The following ZNF33B variants were observed in gnomAD, a reference collection of about 807,000 sequenced individuals.
ZNF33B encodes the protein zinc finger protein 11b (KOX 2).
ZNF33B carries 29 observed loss-of-function variants against 45.8 expected under a neutral mutation model. That is an observed-to-expected ratio of 0.63 (90% CI 0.47 to 0.86). ZNF33B has a LOEUF of 0.86. Ranked by LOEUF, ZNF33B falls within the 40% of genes least tolerant of loss-of-function variation. The pLI, the probability that ZNF33B is intolerant of heterozygous loss-of-function variation, is 0.00. For missense variants in ZNF33B, 831 were observed against 909.9 expected, an observed-to-expected ratio of 0.91 and a Z score of 1.12; for synonymous variants, 305 against 307.8, an observed-to-expected ratio of 0.99 and a Z score of 0.10.
chr10:42,610,000 CAAGAT>C, intron 4 of ZNF33B, among the ~76,000 whole-genome samples: 1 of 151,784 alleles, frequency 6.6e-6, no homozygotes, highest in South Asian at 2.1e-4. Context: ...AGAACAAAAA[CAAGAT>C]AAGAATGCCT....
In ZNF33B at chr10:42,618,163, G is replaced by A. The variant is rs960552753; in HGVS notation, c.250+13766C>T. Among the ~76,000 whole-genome samples the A allele has an allele frequency of 3.3e-5, 5 of 152,182 alleles. No individual in the cohort carries two copies. In the South Asian group the frequency reaches 6.2e-4, roughly 19 times the overall value. On this transcript the variant is annotated intron_variant, in intron 4 of 4. Coordinates refer to ENST00000359467, the MANE Select transcript of ZNF33B (RefSeq NM_006955.3). ...TAAACCAAGCGTAGGGGGCAGGAGG[G>A]TTCATCCCAACTCTATGGGGTGGAC...
At position 42,612,083 on chromosome 10, in the gene ZNF33B, A is replaced by AT. The variant is rs879895916; in HGVS notation, c.251-17385dup. 8.7e-4 allele frequency among the ~76,000 whole-genome samples: 127 copies of AT among 145,958 alleles called. 1 individual carries two copies. The highest frequency in any genetic ancestry group is 1.0e-3 in the African/African-American group (42 of 40,050). ...GATCTTAGCAGTAGGTTTCCTGCAGATTTTTTTTTTTTATCAAGTTGAGGA... is the reference window on the plus strand; with the variant it reads ...GATCTTAGCAGTAGGTTTCCTGCAGATTTTTTTTTTTTTATCAAGTTGAGGA... On this transcript the variant is annotated intron_variant, in intron 4 of 4. Transcript: ENST00000359467.
intron 1 of ZNF33B, among the ~76,000 whole-genome samples, chr10:42,580,858 C>T (rs564045886): frequency 1.3e-5 from 2 of 151,780 alleles, no homozygotes; most frequent in South Asian, 4.2e-4. Flanking sequence ...CGCGCCACTG[C>T]ACTCCAGCCT....
At chr10:42,619,969 A>T (rs1409024647) in intron 4 of ZNF33B, among the ~76,000 whole-genome samples, 1 of 152,168 alleles carries the variant, frequency 6.6e-6, no homozygotes, top group Non-Finnish European at 1.5e-5. Flanking sequence ...AATCTCAAGC[A>T]CTTTGGGAGG....
intron 4 of ZNF33B, among the ~76,000 whole-genome samples, chr10:42,628,052 T>G (rs150846195): frequency 6.6e-6 from 1 of 152,200 alleles, no homozygotes; most frequent in African/African-American, 2.4e-5. Context: ...AATCTCACTC[T>G]GTAACCCAAG....
At chr10:42,626,096 C>T (rs557189400) in intron 4 of ZNF33B, among the ~76,000 whole-genome samples, 34 of 152,344 alleles carry the variant, frequency 2.2e-4, no homozygotes, top group African/African-American at 7.0e-4. Context: ...TGGATGCATA[C>T]TGCATTTTGT....
chr10:42,617,206 C>T (rs1235207940), intron 4 of ZNF33B, among the ~76,000 whole-genome samples: 6 of 140,574 alleles, frequency 4.3e-5, no homozygotes, highest in East Asian at 2.2e-4. Context: ...TGGGCTTAAG[C>T]GATCCTCCCA....
Position 42,592,848 on chromosome 10 carries a change from G to A in ZNF33B, c.2102C>T (p.Ser701Phe), listed in dbSNP as rs1837194932. The A allele has an allele frequency of 1.9e-6, 3 of 1,613,972 alleles. No individual in the cohort carries two copies. Among genetic ancestry groups the A allele is most frequent in the Non-Finnish European group, 2.5e-6 (3 of 1,180,000 alleles). The change falls in exon 5 of 5, where the codon TCC becomes TTC. Residue 701 changes from serine (S) to phenylalanine (F), a missense_variant. By Grantham distance (155) the Ser-to-Phe change is radical. Coordinates refer to ENST00000359467, the MANE Select transcript of ZNF33B (RefSeq NM_006955.3). ...KPYECNECGK[S>F]FSHKSSLTVH... The stretch of plus-strand genomic sequence containing the variant: ...TGTGAGTGATGATTTGTGACTGAAG[G>A]ATTTCCCACATTCATTGCATTCATA...
intron 4 of ZNF33B, among the ~76,000 whole-genome samples, chr10:42,609,778 A>G (rs1838026744): frequency 6.6e-6 from 1 of 152,202 alleles, no homozygotes; most frequent in Admixed American, 6.5e-5. Context: ...ATCAACTAAT[A>G]CATCACATAA....
chr10:42,615,760 C>T (rs1400428397), intron 4 of ZNF33B, among the ~76,000 whole-genome samples: 1 of 151,308 alleles, frequency 6.6e-6, no homozygotes, highest in African/African-American at 2.4e-5. Context: ...CCTGTCTCTA[C>T]TAAAAATACA....
intron 4 of ZNF33B, among the ~76,000 whole-genome samples, chr10:42,623,459 G>T (rs1020693155): frequency 3.9e-5 from 6 of 152,158 alleles, no homozygotes; most frequent in Admixed American, 2.0e-4. Context: ...AAAGGTGTAC[G>T]ACCCAAGTGT....
At chr10:42,637,004 A>G in intron 1 of ZNF33B, 32 bp from the exon 2 acceptor site, 1 of 1,610,596 alleles carries the variant, frequency 6.2e-7, no homozygotes, top group Non-Finnish European at 8.5e-7. Context: ...GGGGTCATGA[A>G]AGATTTGGCC....
chr10:42,612,563 A>T (rs1838146919), intron 4 of ZNF33B, among the ~76,000 whole-genome samples: 1 of 152,156 alleles, frequency 6.6e-6, no homozygotes, highest in African/African-American at 2.4e-5. Flanking sequence ...AACTCTGACC[A>T]GCCTTGAGTG....
At chr10:42,635,809 C>CAAA (rs35517157) in intron 2 of ZNF33B, among the ~76,000 whole-genome samples, 5,231 of 102,748 alleles carry the variant, frequency 0.051, 142 homozygotes, top group Non-Finnish European at 0.076. Context: ...ACTCTGTATC[C>CAAA]AAAAAAAAAA....
Position 42,594,378 on chromosome 10 carries a change from T to C in ZNF33B, c.572A>G (p.Asn191Ser), listed in dbSNP as rs1414556774. 4 of 1,613,712 alleles carry C rather than the reference T, an allele frequency of 2.5e-6. No homozygotes were observed. Among genetic ancestry groups the C allele is most frequent in the Non-Finnish European group, 3.4e-6 (4 of 1,179,792 alleles). ...KHDETHTREK[N>S]EVLKNRNTLS... ...AGTGTTCCTATTTTTCAAAACTTCA[T>C]TTTTCTCTCGAGTATGAGTTTCATC... is the stretch of plus-strand genomic sequence containing the variant. The change falls in exon 5 of 5, where the codon AAT becomes AGT. Residue 191 changes from asparagine (N) to serine (S), a missense_variant. Asn to Ser is a conservative substitution (Grantham distance 46). Transcript: ENST00000359467.
downstream of ZNF33B, among the ~76,000 whole-genome samples, chr10:42,586,767 G>A (rs897638718): frequency 4.6e-5 from 7 of 152,238 alleles, no homozygotes; most frequent in Non-Finnish European, 1.0e-4. Context: ...CTCATGTGCA[G>A]AGATGAGAGT....
chr10:42,612,233 ATTTTTT>A (rs59259404), intron 4 of ZNF33B, among the ~76,000 whole-genome samples: 1 of 119,342 alleles, frequency 8.4e-6, no homozygotes, highest in Admixed American at 9.3e-5. Flanking sequence ...ACAGAAGTTG[ATTTTTT>A]TTTTTTTTTT....
chr10:42,584,161 CCT>C, downstream of ZNF33B, among the ~76,000 whole-genome samples: 1 of 152,358 alleles, frequency 6.6e-6, no homozygotes, highest in East Asian at 1.9e-4. Context: ...GGAGATCTCT[CCT>C]CTCAGGACCC....
At chr10:42,584,877 T>C (rs576155819), downstream of ZNF33B, among the ~76,000 whole-genome samples, 5 of 152,256 alleles carry the variant, frequency 3.3e-5, no homozygotes, top group South Asian at 2.1e-4. Context: ...GAAATCACCA[T>C]CATCAGTTAG....
Sources: gnomAD v4.1 joint callset for allele counts (sites outside exome capture counted in the v4.1 genomes callset) on GRCh38, gnomAD v4.1.1 for gene constraint, MANE v1.5 for transcripts, NCBI Gene and HGNC (gene_info 2026-07-23, HGNC 2026-07-21) for gene names.